NIBAN3: variants seen among roughly 807,000 people sequenced by gnomAD.
NIBAN3 encodes protein Niban 3.
A neutral mutation model predicts 76.4 loss-of-function variants in NIBAN3; 66 were observed. The ratio of observed to expected loss-of-function variants is 0.86; its 90% CI spans 0.71 to 1.06. The LOEUF (loss-of-function observed/expected upper bound fraction) is 1.06, where lower values mean the gene tolerates loss of function less well. NIBAN3 is among the 50% of genes least tolerant of loss of function. The pLI is 0.00. For synonymous variants in NIBAN3, 360 were observed against 355.2 expected, an observed-to-expected ratio of 1.01 and a Z score of -0.15; for missense variants, 808 against 810.7, an observed-to-expected ratio of 1.00 and a Z score of 0.04.
At chr19:17,535,745 CAAAA>C (rs1163900162) in intron 4 of NIBAN3, among the ~76,000 whole-genome samples, 1 of 86,014 alleles carries the variant, frequency 1.2e-5, no homozygotes, top group African/African-American at 4.4e-5. Flanking sequence ...AAGACTCTGT[CAAAA>C]AAAAAAAAAA....
chr19:17,540,642 T>C, intron 9 of NIBAN3, 60 bp downstream of exon 9: 1 of 1,228,364 alleles, frequency 8.1e-7, no homozygotes, highest in Non-Finnish European at 1.1e-6. Context: ...CTTGAGTCTT[T>C]CCTGTGGAGA....
Position 17,527,318 on chromosome 19 carries a change from G to A in NIBAN3, c.-23G>A, listed in dbSNP as rs1448803784. On this transcript the variant is annotated 5_prime_UTR_variant, in exon 1 of 15. Transcript: ENST00000599164. ...GCGGTGGTCGTGGGGAAGGGAAGAG[G>A]AGCCCCGGGAGACGACAGCAGCATG... The A allele has an allele frequency of 6.4e-7, 1 of 1,550,444 alleles. No individual in the cohort carries two copies. The highest frequency in any genetic ancestry group is 2.0e-5 in the Admixed American group (1 of 50,900).
Position 17,530,897 on chromosome 19 carries a change from G to T in NIBAN3, c.186+12G>T, listed in dbSNP as rs757255745. 1 of 1,611,024 alleles carries T rather than the reference G, an allele frequency of 6.2e-7. No homozygotes were observed. Among genetic ancestry groups the T allele is most frequent in the East Asian group, 2.2e-5 (1 of 44,674 alleles). On this transcript the variant is annotated intron_variant, in intron 2 of 14. Transcript: ENST00000599164. ...TGCTACGCAGCAAAGTGGGTGTTGTGGGGGCAGAGGACGTTTGAGTGTTAG... is the reference window on the plus strand; with the variant it reads ...TGCTACGCAGCAAAGTGGGTGTTGTTGGGGCAGAGGACGTTTGAGTGTTAG...
At chr19:17,527,911 C>A (rs1473841453) in intron 1 of NIBAN3, among the ~76,000 whole-genome samples, 1 of 151,472 alleles carries the variant, frequency 6.6e-6, no homozygotes, top group Admixed American at 6.6e-5. Flanking sequence ...CCAGGCTGGT[C>A]TTGAACTCCT....
At chr19:17,541,641 CTACT>C (rs1401548998) in intron 9 of NIBAN3, among the ~76,000 whole-genome samples, 2 of 150,314 alleles carry the variant, frequency 1.3e-5, no homozygotes, top group East Asian at 3.9e-4. Context: ...TGCCTCACTG[CTACT>C]TATTTTATTT....
In NIBAN3 at chr19:17,551,942, C is replaced by A; in HGVS notation, c.*44C>A. The A allele has an allele frequency of 1.4e-6, 1 of 727,632 alleles. No homozygotes were observed. The highest frequency in any genetic ancestry group is 2.6e-6 in the Non-Finnish European group (1 of 380,872). The allele number at this position is 727,632 out of a possible 1,614,324, so 45.1% of individuals were successfully genotyped here. A position where few individuals can be genotyped will look rare whatever the true frequency, so the allele number is the denominator to read the frequency against. ...CTTGTTTCTATTGGATAAATGTCTA[C>A]AAGTGGAATTTCTGGGCCAAAACGG... On this transcript the variant is annotated 3_prime_UTR_variant, in exon 15 of 15. Transcript: ENST00000599164.
intron 14 of NIBAN3, among the ~76,000 whole-genome samples, chr19:17,550,843 C>CTTTTTTTTTTTTTT (rs10690901): frequency 2.2e-5 from 2 of 91,550 alleles, no homozygotes; most frequent in African/African-American, 8.1e-5. Context: ...CTTGTACATA[C>CTTTTTTTTTTTTTT]TTTTTTTTTT....
At chr19:17,534,280 C>T (rs184637011) in intron 4 of NIBAN3, among the ~76,000 whole-genome samples, 5 of 151,988 alleles carry the variant, frequency 3.3e-5, no homozygotes, top group Admixed American at 2.0e-4. Flanking sequence ...TTTGGGAGGC[C>T]GAGGTGGGCG....
At chr19:17,544,466 T>G (rs1362880224) in intron 12 of NIBAN3, among the ~76,000 whole-genome samples, 3 of 150,738 alleles carry the variant, frequency 2.0e-5, no homozygotes, top group Non-Finnish European at 1.5e-5. Context: ...TGGGCATCAG[T>G]GGAGGGAGGA....
intron 13 of NIBAN3, among the ~76,000 whole-genome samples, chr19:17,548,259 G>A (rs79707315): frequency 0.016 from 2,479 of 152,324 alleles, 27 homozygotes; most frequent in Non-Finnish European, 0.027. Context: ...AGGGCACGGA[G>A]CGGGAGGCTG....
chr19:17,549,390 G>A (rs1280326981), intron 13 of NIBAN3, 54 bp from the exon 14 acceptor site: 3 of 1,234,440 alleles, frequency 2.4e-6, no homozygotes, highest in East Asian at 4.7e-5. Context: ...ATGCAGGGAA[G>A]CCCCTTGATG....
At chr19:17,529,923 G>A (rs2075682234) in intron 1 of NIBAN3, among the ~76,000 whole-genome samples, 1 of 152,122 alleles carries the variant, frequency 6.6e-6, no homozygotes, top group Admixed American at 6.6e-5. Context: ...GCTGGGCATG[G>A]TGGCACGTGC....
At chr19:17,546,929 T>A in intron 13 of NIBAN3, 132 bp downstream of exon 13, 1 of 1,196,422 alleles carries the variant, frequency 8.4e-7, no homozygotes, top group Non-Finnish European at 1.2e-6. Context: ...GGACTTGGCC[T>A]GAGGAGGTCC....
chr19:17,553,244 G>A lies in NIBAN3; in HGVS notation c.*1346G>A. ...TATATCTGAAGGATATGAACGCTTT[G>A]TGATACAGGTTACAGATTTTGGGGT... is the stretch of plus-strand genomic sequence containing the variant. On this transcript the variant is annotated 3_prime_UTR_variant, in exon 15 of 15. Coordinates refer to ENST00000599164, the MANE Select transcript of NIBAN3 (RefSeq NM_001321827.2). 2 of 1,574,618 alleles carry A rather than the reference G, an allele frequency of 1.3e-6. No homozygotes were observed. Among genetic ancestry groups the A allele is most frequent in the Non-Finnish European group, 8.6e-7 (1 of 1,161,404 alleles).
intron 4 of NIBAN3, among the ~76,000 whole-genome samples, chr19:17,537,134 G>A (rs2075838494): frequency 1.3e-5 from 2 of 152,146 alleles, no homozygotes; most frequent in Non-Finnish European, 2.9e-5. Flanking sequence ...GCTAAGGCTG[G>A]AAAACAGTTC....
At chr19:17,532,441 C>T (rs1170535346) in intron 3 of NIBAN3, 53 bp downstream of exon 3, 3 of 1,613,556 alleles carry the variant, frequency 1.9e-6, no homozygotes, top group South Asian at 1.1e-5. Flanking sequence ...TTCCCACCCC[C>T]GTCAGCCTCA....
rs745566221 is a variant in NIBAN3 at position 17,553,477 on chromosome 19, G to T, written c.*1579G>T. The T allele has an allele frequency of 3.5e-5, 57 of 1,614,036 alleles. No individual in the cohort carries two copies. In the South Asian group the frequency reaches 6.1e-4, roughly 17 times the overall value. On this transcript the variant is annotated 3_prime_UTR_variant, in exon 15 of 15. Coordinates refer to ENST00000599164, the MANE Select transcript of NIBAN3 (RefSeq NM_001321827.2). ...CCACAGGGATTCCCGTGTGTTCTTG[G>T]TTCAGCTTGCAGAGGGACTTTCACA...
At chr19:17,525,818 C>A (rs539259177), upstream of NIBAN3, among the ~76,000 whole-genome samples, 21 of 152,054 alleles carry the variant, frequency 1.4e-4, no homozygotes, top group African/African-American at 4.8e-4. Context: ...GGGACACCTT[C>A]GCTGGGTGAC....
At position 17,542,191 on chromosome 19, in the gene NIBAN3, G is replaced by A. The variant is rs201431632; in HGVS notation, c.1226G>A (p.Arg409His). 58 of 1,614,172 alleles carry A rather than the reference G, an allele frequency of 3.6e-5. No individual in the cohort carries two copies. The East Asian group carries it at 7.1e-4, about 20-fold the overall frequency. ...WDLALMQTCY[R>H]EAERSRGRLG... ...TTGGCGCTGATGCAGACATGCTACC[G>A]TGAGGCCGAGCGGAGCCGGGGGCGC... Residue 409 changes from arginine (R) to histidine (H), a missense_variant, in exon 10 of 15, where the codon CGT becomes CAT. Arg to His is a conservative substitution (Grantham distance 29). Transcript: ENST00000599164. This position sits in a 1 kb window ranked among gnomAD's most constrained non-coding sequence, Gnocchi z 4.8.
Sources: gnomAD v4.1 joint callset for allele counts (sites outside exome capture counted in the v4.1 genomes callset) on GRCh38, gnomAD v4.1.1 for gene constraint, Gnocchi (gnomAD v3.1) non-coding constraint, MANE v1.5 for transcripts, NCBI Gene and HGNC (gene_info 2026-07-23, HGNC 2026-07-21) for gene names.